The following SF3B2 variants were observed in gnomAD, a reference collection of about 807,000 sequenced individuals.
SF3B2 encodes the protein SAP 145.
In SF3B2, 22 loss-of-function variants were observed where a neutral mutation model predicts 116.3. The observed-to-expected ratio is 0.19, with a 90% CI of 0.14 to 0.27. The LOEUF (loss-of-function observed/expected upper bound fraction) is 0.27, where lower values mean the gene tolerates loss of function less well. SF3B2 is among the 10% of genes least tolerant of loss of function. The probability of loss-of-function intolerance (pLI) is 1.00; values close to 1 mark genes in which losing one functional copy is unlikely to be tolerated. For synonymous variants in SF3B2, 406 were observed against 421.6 expected (o/e 0.96, Z 0.45); for missense variants, 767 against 1,151.4 (o/e 0.67, Z 4.83).
chr11:66,060,025 G>A lies in SF3B2; in HGVS notation c.1629+16G>A. On this transcript the variant is annotated intron_variant, in intron 13 of 21. Coordinates refer to ENST00000322535, the MANE Select transcript of SF3B2 (RefSeq NM_006842.3). ...GCAGGAGAAGGTGAGGGCCTGGCAG[G>A]GCTCAGACCTGCCCCCGGGTGTCCC... 1.2e-6 allele frequency: 2 copies of A among 1,610,278 alleles called. No individual in the cohort carries two copies. The highest frequency in any genetic ancestry group is 1.7e-6 in the Non-Finnish European group (2 of 1,177,592).
intron 4 of SF3B2, 71 bp downstream of exon 4, chr11:66,055,386 C>A: frequency 6.3e-7 from 1 of 1,587,104 alleles, no homozygotes; most frequent in Non-Finnish European, 8.6e-7. Flanking sequence ...TTAGAGAAAG[C>A]TGGGTCCTAG....
chr11:66,063,110 A>G lies in SF3B2; in HGVS notation c.2079A>G (p.Glu693=). Residue 693 remains glutamate, a synonymous_variant, in exon 17 of 22, where the codon GAA becomes GAG. Transcript: ENST00000322535. ...ACGTGTTTGGAACCAATGCTGCTGA[A>G]TTTCAGGTATGGGCCATGTACTAGC... ...YGDVFGTNAA[E]FQTKTEEEEI... 6.2e-7 allele frequency: 1 copy of G among 1,611,152 alleles called. No individual in the cohort carries two copies. Among genetic ancestry groups the G allele is most frequent in the South Asian group, 1.1e-5 (1 of 90,916 alleles).
chr11:66,056,857 A>C lies in SF3B2; in HGVS notation c.569A>C (p.Gln190Pro). The C allele has an allele frequency of 6.2e-7, 1 of 1,614,000 alleles. No homozygotes were observed. The highest frequency in any genetic ancestry group is 1.6e-4 in the Middle Eastern group (1 of 6,062). Residue 190 changes from glutamine to proline, a missense_variant, in exon 6 of 22, where the codon CAG becomes CCG. Physicochemically the swap from Gln to Pro is moderately conservative, Grantham distance 76 (BLOSUM62 -1). This residue lies in a region of SF3B2 where 455 missense variants were observed against 537.5 expected (regional missense o/e 0.85). Transcript: ENST00000322535. ...QQKRAAVLLE[Q>P]ERQQEIAKMG... Reference sequence around the variant, plus strand: ...CCGTAGGCAGCTGTGTTACTGGAGCAGGAACGACAGCAGGAGATTGCCAAG... The same window carrying C: ...CCGTAGGCAGCTGTGTTACTGGAGCCGGAACGACAGCAGGAGATTGCCAAG...
At chr11:66,057,440 T>C in intron 7 of SF3B2, 65 bp downstream of exon 7, 1 of 817,562 alleles carries the variant, frequency 1.2e-6, no homozygotes, top group Non-Finnish European at 2.1e-6. Flanking sequence ...TATTTTTGGA[T>C]TTTTAGAGAA....
Position 66,059,200 on chromosome 11 carries a change from G to T in SF3B2, c.1183-1G>T. On this transcript the variant is annotated splice_acceptor_variant, in intron 10 of 21. Transcript: ENST00000322535. LOFTEE classifies it high-confidence loss of function. This position sits in a 1 kb window ranked among gnomAD's most constrained non-coding sequence, Gnocchi z 5.0. ...GGGTTTCACCTTGTCTGCCTCCTTA[G>T]CTCACTGATGATGTGAAGAAGGAGA... 1.9e-6 allele frequency: 3 copies of T among 1,614,148 alleles called. No individual in the cohort carries two copies. The highest frequency in any genetic ancestry group is 2.5e-6 in the Non-Finnish European group (3 of 1,180,030).
intron 19 of SF3B2, chr11:66,064,520 T>C (rs978409892): frequency 6.6e-6 from 1 of 152,230 alleles, no homozygotes; most frequent in African/African-American, 2.4e-5. Flanking sequence ...ATATAGTTAT[T>C]ATTTTTGTTT....
chr11:66,058,183 A>C (rs777376063), intron 8 of SF3B2, 33 bp downstream of exon 8: 1 of 1,595,194 alleles, frequency 6.3e-7, no homozygotes, highest in Non-Finnish European at 8.6e-7. Flanking sequence ...CTGTAGCCAC[A>C]GAACCTGGAG....
chr11:66,054,518 G>C (rs1856957800), intron 3 of SF3B2, among the ~76,000 whole-genome samples: 1 of 151,048 alleles, frequency 6.6e-6, no homozygotes, highest in Non-Finnish European at 1.5e-5. Flanking sequence ...AAGGAAGACT[G>C]ACTTGTCCTT....
At position 66,068,656 on chromosome 11, in the gene SF3B2, CTCTT is replaced by C; in HGVS notation, c.2617-14_2617-11del. The C allele has an allele frequency of 6.2e-7, 1 of 1,613,420 alleles. No homozygotes were observed. The highest frequency in any genetic ancestry group is 8.5e-7 in the Non-Finnish European group (1 of 1,179,508). Reference sequence around the variant, plus strand: ...TGGTTCAACCTGTCTTAACCTGTGTCTCTTTCTCCCTATACAGCAAAAAAAACGG... The same window carrying C: ...TGGTTCAACCTGTCTTAACCTGTGTCTCTCCCTATACAGCAAAAAAAACGG... On this transcript the variant is annotated splice_polypyrimidine_tract_variant and intron_variant, in intron 21 of 21. Coordinates refer to ENST00000322535, the MANE Select transcript of SF3B2 (RefSeq NM_006842.3).
intron 9 of SF3B2, 133 bp downstream of exon 9, chr11:66,058,538 T>C: frequency 1.4e-6 from 1 of 693,986 alleles, no homozygotes; most frequent in Non-Finnish European, 2.4e-6. Context: ...ATCTTATAGA[T>C]ATTTTTCATT....
Position 66,059,207 on chromosome 11 carries a change from G to A in SF3B2, c.1189G>A (p.Asp397Asn). 1 of 1,614,146 alleles carries A rather than the reference G, an allele frequency of 6.2e-7. No homozygotes were observed. Among genetic ancestry groups the A allele is most frequent in the East Asian group, 2.2e-5 (1 of 44,870 alleles). The change falls in exon 11 of 22, where the codon GAT becomes AAT. Residue 397 changes from aspartate (D) to asparagine (N), a missense_variant. Coordinates refer to ENST00000322535, the MANE Select transcript of SF3B2 (RefSeq NM_006842.3). The surrounding 1 kb of genome is among the most constrained non-coding windows in gnomAD (Gnocchi z 5.0). The stretch of plus-strand genomic sequence containing the variant: ...ACCTTGTCTGCCTCCTTAGCTCACT[G>A]ATGATGTGAAGAAGGAGAAAGAGAA... ...KRIFEAFKLT[D>N]DVKKEKEKEP...
chr11:66,063,578 T>C (rs1252889275), intron 18 of SF3B2, 36 bp downstream of exon 18: 1 of 1,610,952 alleles, frequency 6.2e-7, no homozygotes, highest in Admixed American at 1.7e-5. Flanking sequence ...GGAAGTGGGC[T>C]ATCTTTGGGG....
At chr11:66,060,070 C>A (rs1489906326) in intron 13 of SF3B2, 61 bp downstream of exon 13, 1 of 1,472,716 alleles carries the variant, frequency 6.8e-7, no homozygotes, top group African/African-American at 1.4e-5. Context: ...TAGCAGTGTG[C>A]TTCAAAATGG....
chr11:66,060,574 C>T lies in SF3B2; in HGVS notation c.1630-8C>T. The T allele has an allele frequency of 6.2e-7, 1 of 1,614,078 alleles. No individual in the cohort carries two copies. Among genetic ancestry groups the T allele is most frequent in the East Asian group, 2.2e-5 (1 of 44,892 alleles). ...TTGTTAAGGCTTGTTTGCTGCCATT[C>T]TCCACAGGAAGAACAGAAGACCATG... On this transcript the variant is annotated splice_polypyrimidine_tract_variant and splice_region_variant and intron_variant, in intron 13 of 21. Transcript: ENST00000322535.
At chr11:66,055,963 G>C (rs1386854626) in intron 5 of SF3B2, 2 of 216,468 alleles carry the variant, frequency 9.2e-6, no homozygotes, top group East Asian at 2.1e-4. Flanking sequence ...TAGGACTCTG[G>C]GTAATTGAGT....
chr11:66,054,354 G>A (rs1169817026), intron 3 of SF3B2, among the ~76,000 whole-genome samples: 1 of 151,918 alleles, frequency 6.6e-6, no homozygotes, highest in Admixed American at 6.6e-5. Flanking sequence ...GCAGGTGCCT[G>A]TAATCCCAGC....
chr11:66,066,679 G>T (rs143258074), intron 19 of SF3B2: 1 of 152,250 alleles, frequency 6.6e-6, no homozygotes, highest in African/African-American at 2.4e-5. Flanking sequence ...GAATCAGGAG[G>T]TTTTTCCGGC....
At position 66,061,838 on chromosome 11, in the gene SF3B2, C is replaced by G. The variant is rs1289689683; in HGVS notation, c.1870-53C>G. The G allele has an allele frequency of 3.1e-6, 5 of 1,601,924 alleles. No individual in the cohort carries two copies. The Admixed American group carries it at 8.3e-5, about 27-fold the overall frequency. On this transcript the variant is annotated intron_variant, in intron 15 of 21. Transcript: ENST00000322535. Reference sequence around the variant, plus strand: ...GGCTGGTGGGGATTGGAGTGGAAGGCAGAGACAGGGATAGGGTTTGGCAGA... The same window carrying G: ...GGCTGGTGGGGATTGGAGTGGAAGGGAGAGACAGGGATAGGGTTTGGCAGA...
At position 66,057,049 on chromosome 11, in the gene SF3B2, A is replaced by G. The variant is rs553064424; in HGVS notation, c.667+94A>G. 5.5e-5 allele frequency: 50 copies of G among 916,680 alleles called. No homozygotes were observed. In the African/African-American group the frequency reaches 7.9e-4, roughly 15 times the overall value. The allele number at this position is 916,680 out of a possible 1,614,324, so 56.8% of individuals were successfully genotyped here. On this transcript the variant is annotated intron_variant, in intron 6 of 21. Transcript: ENST00000322535. ...TATCTATCACATTTAAAAAGGGCAT[A>G]TATAGTAAATATATAGTTTAATGGT...
Sources: gnomAD v4.1 joint callset for allele counts (sites outside exome capture counted in the v4.1 genomes callset) on GRCh38, gnomAD v4.1.1 for gene constraint, gnomAD v4.1.1 regional missense constraint, Gnocchi (gnomAD v3.1) non-coding constraint, MANE v1.5 for transcripts, NCBI Gene and HGNC (gene_info 2026-07-23, HGNC 2026-07-21) for gene names.